Variants in F5 observed in about 807,000 individuals in gnomAD.
F5 encodes the protein activated protein c cofactor.
A neutral mutation model predicts 216.4 loss-of-function variants in F5; 138 were observed. The observed-to-expected ratio is 0.64, with a 90% CI of 0.56 to 0.73. F5 has a LOEUF of 0.73. Among genes scored for constraint, F5 ranks in the 30% least tolerant of loss-of-function variants. The pLI is 0.00. For synonymous variants in F5, 916 were observed against 930.7 expected (o/e 0.98, Z 0.29); for missense variants, 2,403 against 2,674.0 (o/e 0.90, Z 2.24).
At chr1:169,520,685 T>A (rs1381143943) in intron 21 of F5, 21 bp from the exon 22 acceptor site, 1 of 1,603,986 alleles carries the variant, frequency 6.2e-7, no homozygotes, top group Non-Finnish European at 8.5e-7. Flanking sequence ...AGAGGAAAGT[T>A]TAGTTATGTA....
At position 169,586,312 on chromosome 1, in the gene F5, C is replaced by T; in HGVS notation, c.75G>A (p.Gly25=). The T allele has an allele frequency of 1.2e-6, 2 of 1,614,168 alleles. No individual in the cohort carries two copies. The highest frequency in any genetic ancestry group is 3.3e-5 in the Admixed American group (2 of 60,030). The change falls in exon 1 of 25, where the codon GGG becomes GGA. Residue 25 remains glycine, a synonymous_variant. Coordinates refer to ENST00000367797, the MANE Select transcript of F5 (RefSeq NM_000130.5). The part of the protein sequence containing the change: ...GTSWVGWGSQ[G]TEAAQLRQFY... ...ACTGCCTTAGCTGTGCCGCTTCTGT[C>T]CCTTGGCTCCCCCAGCCTACCCAGC...
At position 169,566,282 on chromosome 1, in the gene F5, G is replaced by A. The variant is rs188747824; in HGVS notation, c.374-5516C>T. Among the ~76,000 whole-genome samples, 6 of 152,128 alleles carry A rather than the reference G, an allele frequency of 3.9e-5. No homozygotes were observed. The East Asian group carries it at 9.7e-4, about 25-fold the overall frequency. ...TTCAACTGTTAAAACATCACATGGG[G>A]TTTCTATAGTAGAAAATGATATTCT... On this transcript the variant is annotated intron_variant, in intron 3 of 24. Coordinates refer to ENST00000367797, the MANE Select transcript of F5 (RefSeq NM_000130.5).
chr1:169,518,016 T>G (rs192645560), intron 23 of F5, among the ~76,000 whole-genome samples: 2 of 152,322 alleles, frequency 1.3e-5, no homozygotes, highest in Non-Finnish European at 2.9e-5. Flanking sequence ...AAACAAAGTT[T>G]TATTAGAACA....
In F5 at chr1:169,557,250, C is replaced by T. The variant is rs925041506; in HGVS notation, c.731-383G>A. 5.9e-5 allele frequency among the ~76,000 whole-genome samples: 9 copies of T among 152,102 alleles called. No homozygotes were observed. The East Asian group carries it at 7.7e-4, about 13-fold the overall frequency. On this transcript the variant is annotated intron_variant, in intron 5 of 24. Transcript: ENST00000367797. ...ACTATTAGAACTGGTAAAAAGTCCA[C>T]GGCAAAATGGAATGTTTGGTCACCC...
intron 3 of F5, among the ~76,000 whole-genome samples, chr1:169,565,621 T>TA (rs1290419300): frequency 1.3e-5 from 2 of 152,078 alleles, no homozygotes; most frequent in African/African-American, 4.8e-5. Flanking sequence ...GGTTTCTCTT[T>TA]AAAAAACAAA....
intron 2 of F5, among the ~76,000 whole-genome samples, chr1:169,574,996 C>T (rs12567645): frequency 6.6e-6 from 1 of 151,894 alleles, no homozygotes; most frequent in African/African-American, 2.4e-5. Context: ...TAACTTTATA[C>T]GTTTTTATAG....
intron 4 of F5, among the ~76,000 whole-genome samples, chr1:169,559,834 G>A (rs1175227701): frequency 6.6e-6 from 1 of 152,000 alleles, no homozygotes; most frequent in African/African-American, 2.4e-5. Flanking sequence ...TATATACCAG[G>A]AAATGGAAAA....
chr1:169,525,842 A>G (rs1386992212), intron 18 of F5, 59 bp downstream of exon 18: 58 of 1,150,716 alleles, frequency 5.0e-5, no homozygotes, highest in South Asian at 4.8e-4. Context: ...AAAAGTTGGT[A>G]ATATTCTAGT....
intron 2 of F5, among the ~76,000 whole-genome samples, chr1:169,575,396 T>A (rs1377190541): frequency 6.6e-6 from 1 of 152,004 alleles, no homozygotes; most frequent in African/African-American, 2.4e-5. Flanking sequence ...CCTCATAGAG[T>A]TTTCCCTTTA....
Position 169,515,018 on chromosome 1 carries a change from G to C in F5, c.6528+426C>G, listed in dbSNP as rs527449384. Among the ~76,000 whole-genome samples, 58 of 152,254 alleles carry C rather than the reference G, an allele frequency of 3.8e-4. No individual in the cohort carries two copies. In the Middle Eastern group the frequency reaches 0.01, roughly 27 times the overall value. ...AAATGTATGTCAACGTAAGTGCATA[G>C]TAAGTGCCAGGAAGTGGCCACCAAT... On this transcript the variant is annotated intron_variant, in intron 24 of 24. Transcript: ENST00000367797.
chr1:169,516,022 T>C (rs1659147882), intron 23 of F5, among the ~76,000 whole-genome samples: 1 of 152,160 alleles, frequency 6.6e-6, no homozygotes, highest in African/African-American at 2.4e-5. Context: ...TCTGTGAATA[T>C]TATTTTCTTA....
chr1:169,557,676 T>C (rs2101830983), intron 5 of F5, among the ~76,000 whole-genome samples: 1 of 151,996 alleles, frequency 6.6e-6, no homozygotes, highest in East Asian at 1.9e-4. Flanking sequence ...CTGTTTTACA[T>C]CTCAGATACA....
intron 8 of F5, among the ~76,000 whole-genome samples, chr1:169,550,949 T>G (rs1405540984): frequency 1.3e-5 from 2 of 152,122 alleles, no homozygotes; most frequent in African/African-American, 4.8e-5. Context: ...CACATTAAGG[T>G]GGAAAATGGA....
chr1:169,566,352 C>A (rs914321808), intron 3 of F5, among the ~76,000 whole-genome samples: 1 of 152,058 alleles, frequency 6.6e-6, no homozygotes, highest in African/African-American at 2.4e-5. Context: ...ACATTATATT[C>A]TTTGCAGGGT....
At chr1:169,577,380 A>G (rs1207860318) in intron 2 of F5, among the ~76,000 whole-genome samples, 1 of 151,062 alleles carries the variant, frequency 6.6e-6, no homozygotes, top group African/African-American at 2.4e-5. Context: ...TTAATTATTT[A>G]TTTATTTAGA....
chr1:169,536,693 T>C lies in F5; in HGVS notation c.4797-13A>G, dbSNP rs1172689668. The C allele has an allele frequency of 1.9e-6, 3 of 1,593,608 alleles. No individual in the cohort carries two copies. The highest frequency in any genetic ancestry group is 2.6e-6 in the Non-Finnish European group (3 of 1,161,946). Reference sequence around the variant, plus strand: ...AATATCTGTTTCCCTGAAATAATAATACTATTTGTGTAAAAGAAGAAATTA... The same window carrying C: ...AATATCTGTTTCCCTGAAATAATAACACTATTTGTGTAAAAGAAGAAATTA... On this transcript the variant is annotated splice_polypyrimidine_tract_variant and intron_variant, in intron 13 of 24. Transcript: ENST00000367797.
At chr1:169,529,104 C>T (rs1659530236) in intron 16 of F5, among the ~76,000 whole-genome samples, 2 of 152,144 alleles carry the variant, frequency 1.3e-5, no homozygotes, top group Admixed American at 1.3e-4. Context: ...CCACTATTCT[C>T]CTATTACCTG....
intron 10 of F5, among the ~76,000 whole-genome samples, chr1:169,546,954 ACCCGTCTCT>A: frequency 7.0e-6 from 1 of 143,296 alleles, no homozygotes. Context: ...ACATGGCAAA[ACCCGTCTCT>A]ACTAAAAAAA....
In F5 at chr1:169,572,287, T is replaced by C; in HGVS notation, c.307A>G (p.Lys103Glu). 6.2e-7 allele frequency: 1 copy of C among 1,613,388 alleles called. No homozygotes were observed. Among genetic ancestry groups the C allele is most frequent in the African/African-American group, 1.3e-5 (1 of 75,004 alleles). The change falls in exon 3 of 25, where the codon AAA (lysine) becomes GAA (glutamate). Residue 103 changes from lysine (K) to glutamate (E), a missense_variant. Physicochemically the swap from Lys to Glu is moderately conservative, Grantham distance 56. This residue lies in a region of F5 where 1,425 missense variants were observed against 1,554.8 expected (regional missense o/e 0.92). Transcript: ENST00000367797. ...EVGDIIKVHF[K>E]NKADKPLSIH... ...CTCAAGGGCTTATCTGCCTTATTTT[T>C]AAAGTGAACTTTTATGATGTCTCCG...
Sources: gnomAD v4.1 joint callset for allele counts (sites outside exome capture counted in the v4.1 genomes callset) on GRCh38, gnomAD v4.1.1 for gene constraint, gnomAD v4.1.1 regional missense constraint, MANE v1.5 for transcripts, NCBI Gene and HGNC (gene_info 2026-07-23, HGNC 2026-07-21) for gene names.